ENTREP2: variants seen among roughly 807,000 people sequenced by gnomAD.
The protein encoded by ENTREP2 is endosomal transmembrane epsin interactor 2.
chr15:29,178,597 A>ATCCT, the ENTREP2 span, among the ~76,000 whole-genome samples: 3 of 151,960 alleles, frequency 2.0e-5, no homozygotes, highest in African/African-American at 7.3e-5. Context: ...TGAGACACAT[A>ATCCT]TCCTGGTCAT....
At chr15:29,416,302 T>C in the ENTREP2 span, among the ~76,000 whole-genome samples, 6 of 152,130 alleles carry the variant, frequency 3.9e-5, no homozygotes, top group Non-Finnish European at 8.8e-5. Context: ...AACAGAGATA[T>C]AGACCAATGG....
the ENTREP2 span, among the ~76,000 whole-genome samples, chr15:29,407,301 T>C: frequency 6.6e-6 from 1 of 152,068 alleles, no homozygotes; most frequent in Non-Finnish European, 1.5e-5. Flanking sequence ...AGTAAAAACA[T>C]GGTATTAGAA....
At chr15:29,332,821 T>C in the ENTREP2 span, among the ~76,000 whole-genome samples, 2 of 151,500 alleles carry the variant, frequency 1.3e-5, no homozygotes, top group Admixed American at 6.6e-5. Context: ...TAGCTGGGTG[T>C]GGTGGTGGGC....
chr15:29,211,041 G>T, the ENTREP2 span, among the ~76,000 whole-genome samples: 1 of 152,128 alleles, frequency 6.6e-6, no homozygotes, highest in African/African-American at 2.4e-5. Flanking sequence ...TAACACTTAG[G>T]ATCAGATGAT....
At chr15:29,579,913 T>C in the ENTREP2 span, among the ~76,000 whole-genome samples, 1 of 151,862 alleles carries the variant, frequency 6.6e-6, no homozygotes, top group East Asian at 1.9e-4. Flanking sequence ...AGTTTCACCG[T>C]GTTAGCCAGG....
At chr15:29,476,013 G>C in the ENTREP2 span, among the ~76,000 whole-genome samples, 1 of 152,256 alleles carries the variant, frequency 6.6e-6, no homozygotes, top group South Asian at 2.1e-4. Context: ...AAATGTGACA[G>C]ACCTGAAGTG....
At chr15:29,529,251 GT>G in the ENTREP2 span, among the ~76,000 whole-genome samples, 3 of 131,528 alleles carry the variant, frequency 2.3e-5, no homozygotes, top group Non-Finnish European at 5.0e-5. Flanking sequence ...GGAGGGGTGT[GT>G]GAGGGTGTGG....
chr15:29,257,234 G>T, the ENTREP2 span, among the ~76,000 whole-genome samples: 2 of 151,810 alleles, frequency 1.3e-5, no homozygotes, highest in African/African-American at 4.8e-5. Context: ...CCACCACACC[G>T]GGGTAATTTT....
chr15:29,590,971 C>T, the ENTREP2 span, among the ~76,000 whole-genome samples: 3 of 152,180 alleles, frequency 2.0e-5, no homozygotes, highest in East Asian at 5.8e-4. Context: ...GCTATTAATA[C>T]TTTCTGCATT....
the ENTREP2 span, among the ~76,000 whole-genome samples, chr15:29,416,409 T>G: frequency 0.011 from 1,637 of 152,302 alleles, 13 homozygotes; most frequent in Middle Eastern, 0.02. Flanking sequence ...GGATTCCCTA[T>G]TTAATAAATG....
chr15:29,540,024 T>C, the ENTREP2 span, among the ~76,000 whole-genome samples: 679 of 152,214 alleles, frequency 4.5e-3, 4 homozygotes, highest in African/African-American at 0.015. Flanking sequence ...GTGGCTCCCG[T>C]GCACCCAGGA....
chr15:29,439,646 G>A, the ENTREP2 span, among the ~76,000 whole-genome samples: 1 of 152,204 alleles, frequency 6.6e-6, no homozygotes, highest in South Asian at 2.1e-4. Flanking sequence ...GAAATTTTAA[G>A]AAGAAACAGG....
the ENTREP2 span, among the ~76,000 whole-genome samples, chr15:29,664,438 T>TTC: frequency 3.3e-5 from 5 of 151,586 alleles, no homozygotes; most frequent in African/African-American, 4.9e-5. Context: ...CTCTTTATTT[T>TTC]TCTCTCTCTC....
At chr15:29,668,928 G>A in the ENTREP2 span, among the ~76,000 whole-genome samples, 267 of 152,332 alleles carry the variant, frequency 1.8e-3, no homozygotes, top group African/African-American at 6.2e-3. Context: ...CTTTACCGCA[G>A]ACCGTGGTGT....
chr15:29,526,831 C>G, the ENTREP2 span, among the ~76,000 whole-genome samples: 12 of 152,022 alleles, frequency 7.9e-5, no homozygotes, highest in East Asian at 2.3e-3. Context: ...CCTAACACCC[C>G]CAGAGAACCA....
At chr15:29,572,889 GACC>G in the ENTREP2 span, among the ~76,000 whole-genome samples, 1 of 142,922 alleles carries the variant, frequency 7.0e-6, no homozygotes. Flanking sequence ...AGAGTTTTCT[GACC>G]ACAATACCAA....
chr15:29,275,637 G>T, the ENTREP2 span, among the ~76,000 whole-genome samples: 1 of 152,148 alleles, frequency 6.6e-6, no homozygotes, highest in Admixed American at 6.5e-5. Flanking sequence ...ACTACAAATT[G>T]CTCTTTAGAT....
At chr15:29,243,633 G>A in the ENTREP2 span, among the ~76,000 whole-genome samples, 1,599 of 151,738 alleles carry the variant, frequency 0.011, 34 homozygotes, top group African/African-American at 0.037. Flanking sequence ...CGAGACCCCC[G>A]GCTCTAGGGA....
At chr15:29,281,370 T>A in the ENTREP2 span, among the ~76,000 whole-genome samples, 1 of 152,190 alleles carries the variant, frequency 6.6e-6, no homozygotes. Context: ...GGAGTGGACA[T>A]GTGACCGAGC....
Sources: gnomAD v4.1 joint callset for allele counts (sites outside exome capture counted in the v4.1 genomes callset) on GRCh38, gnomAD v4.1.1 for gene constraint, MANE v1.5 for transcripts, NCBI Gene and HGNC (gene_info 2026-07-23, HGNC 2026-07-21) for gene names.